CSNK2A2: variants seen among roughly 807,000 people sequenced by gnomAD.
CSNK2A2 encodes the protein casein kinase II subunit alpha'.
Under a neutral mutation model 54.0 loss-of-function variants are expected in CSNK2A2, and 8 were observed. That is an observed-to-expected ratio of 0.15 (90% CI 0.09 to 0.27). The LOEUF (loss-of-function observed/expected upper bound fraction) is 0.27, where lower values mean the gene tolerates loss of function less well. CSNK2A2 is among the 10% of genes least tolerant of loss of function. CSNK2A2 has a pLI of 1.00. For synonymous variants in CSNK2A2, 141 were observed against 153.9 expected, an observed-to-expected ratio of 0.92 and a Z score of 0.62; for missense variants, 242 against 439.4, an observed-to-expected ratio of 0.55 and a Z score of 4.02.
In CSNK2A2 at chr16:58,175,271, G is replaced by C. The variant is rs543755011; in HGVS notation, c.370-761C>G. 2.6e-5 allele frequency among the ~76,000 whole-genome samples: 4 copies of C among 152,262 alleles called. No individual in the cohort carries two copies. The East Asian group carries it at 5.8e-4, about 22-fold the overall frequency. On this transcript the variant is annotated intron_variant, in intron 4 of 11. Coordinates refer to ENST00000262506, the MANE Select transcript of CSNK2A2 (RefSeq NM_001896.4). ...GAGTCAGAATACATTAATGCTACAA[G>C]CTTCATTAAAGGCATCATAAACCCT...
intron 11 of CSNK2A2, chr16:58,162,384 T>C (rs1247994027): frequency 6.6e-6 from 1 of 152,218 alleles, no homozygotes; most frequent in East Asian, 1.9e-4. Flanking sequence ...CTTAACTGAA[T>C]GCATTCCTTG....
intron 5 of CSNK2A2, among the ~76,000 whole-genome samples, chr16:58,171,971 ATATATATATTT>A (rs1487508533): frequency 9.7e-5 from 3 of 30,964 alleles, no homozygotes; most frequent in African/African-American, 3.5e-4. Flanking sequence ...ATATATATAT[ATATATATATTT>A]TTTTTTTTTT....
chr16:58,168,615 T>C lies in CSNK2A2; in HGVS notation c.508A>G (p.Lys170Glu). 6.2e-7 allele frequency: 1 copy of C among 1,613,700 alleles called. No individual in the cohort carries two copies. The highest frequency in any genetic ancestry group is 8.5e-7 in the Non-Finnish European group (1 of 1,179,650). Residue 170 changes from lysine (K) to glutamate (E), a missense_variant, in exon 6 of 12, where the codon AAA becomes GAA. Physicochemically the swap from Lys to Glu is moderately conservative, Grantham distance 56 (BLOSUM62 1). This residue lies in a region of CSNK2A2 where 40 missense variants were observed against 128.7 expected (regional missense o/e 0.31). Transcript: ENST00000262506. ...PHNVMIDHQQ[K>E]KLRLIDWGLA... ...CTGCCTGGCTGTAATGGTACCTTTT[T>C]CTGTTGGTGATCTATCATGACATTG...
intron 8 of CSNK2A2, among the ~76,000 whole-genome samples, 186 bp downstream of exon 8, chr16:58,167,021 C>A (rs1382373515): frequency 2.0e-5 from 3 of 152,232 alleles, no homozygotes; most frequent in African/African-American, 7.2e-5. Context: ...GCATAGATGG[C>A]ATTATCTGCC....
At position 58,197,556 on chromosome 16, in the gene CSNK2A2, C is replaced by A. The variant is rs1962498019; in HGVS notation, c.104+77G>T. On this transcript the variant is annotated intron_variant, in intron 1 of 11. Transcript: ENST00000262506. This position sits in a 1 kb window ranked among gnomAD's most constrained non-coding sequence, Gnocchi z 4.0. ...GGGGTCGGCGGGAGACACCACCGGG[C>A]CCGAGTGCGGTTCGCAGGGGGTGGC... The A allele has an allele frequency of 6.1e-6, 6 of 984,998 alleles. No homozygotes were observed. Among genetic ancestry groups the A allele is most frequent in the Non-Finnish European group, 8.8e-6 (6 of 682,906 alleles). 61.0% of individuals were successfully genotyped at this position (984,998 alleles called of 1,614,324 possible). A position where few individuals can be genotyped will look rare whatever the true frequency, so the allele number is the denominator to read the frequency against.
chr16:58,180,370 AG>A (rs1962004240), intron 4 of CSNK2A2, among the ~76,000 whole-genome samples: 1 of 135,440 alleles, frequency 7.4e-6, no homozygotes, highest in Non-Finnish European at 1.6e-5. Flanking sequence ...GATACTCCAG[AG>A]TTTTTTTTTT....
At chr16:58,172,678 C>T (rs761980870) in intron 5 of CSNK2A2, among the ~76,000 whole-genome samples, 1 of 152,216 alleles carries the variant, frequency 6.6e-6, no homozygotes, top group African/African-American at 2.4e-5. Flanking sequence ...GTTTCCTAGT[C>T]GGACTCCCTA....
At chr16:58,160,185 T>C (rs978666027) in intron 11 of CSNK2A2, 1 of 152,196 alleles carries the variant, frequency 6.6e-6, no homozygotes, top group African/African-American at 2.4e-5. Context: ...AGGCAGGATG[T>C]TACTCAGTCT....
chr16:58,182,023 C>T (rs193262183), intron 4 of CSNK2A2, among the ~76,000 whole-genome samples: 1 of 152,190 alleles, frequency 6.6e-6, no homozygotes, highest in African/African-American at 2.4e-5. Flanking sequence ...CTAGCAAATA[C>T]ATTAATTGGC....
intron 2 of CSNK2A2, among the ~76,000 whole-genome samples, chr16:58,188,992 C>G (rs1213135338): frequency 6.8e-6 from 1 of 147,158 alleles, no homozygotes; most frequent in South Asian, 2.1e-4. Flanking sequence ...AGTCTCACTC[C>G]GTGGCCCAGG....
chr16:58,174,573 G>T, intron 4 of CSNK2A2, 63 bp from the exon 5 acceptor site: 1 of 1,341,732 alleles, frequency 7.5e-7, no homozygotes, highest in Non-Finnish European at 1.1e-6. Context: ...CATCCTAAGT[G>T]CAGGCCATTC....
At chr16:58,167,941 C>A in intron 6 of CSNK2A2, 146 bp from the exon 7 acceptor site, 1 of 649,226 alleles carries the variant, frequency 1.5e-6, no homozygotes, top group Non-Finnish European at 2.7e-6. Flanking sequence ...ACATTTTCAG[C>A]AATCGTGCAA....
At chr16:58,175,919 A>G (rs1034096185) in intron 4 of CSNK2A2, among the ~76,000 whole-genome samples, 1 of 152,214 alleles carries the variant, frequency 6.6e-6, no homozygotes, top group Non-Finnish European at 1.5e-5. Flanking sequence ...TTCAGGCAGA[A>G]CAACACCAAC....
At chr16:58,185,883 G>C (rs1962180657) in intron 3 of CSNK2A2, among the ~76,000 whole-genome samples, 1 of 152,264 alleles carries the variant, frequency 6.6e-6, no homozygotes, top group African/African-American at 2.4e-5. Context: ...CTGTTGTGAA[G>C]ACTGAGTGAC....
chr16:58,194,814 G>C (rs1162011759), intron 2 of CSNK2A2, among the ~76,000 whole-genome samples: 2 of 152,112 alleles, frequency 1.3e-5, no homozygotes, highest in Non-Finnish European at 2.9e-5. Context: ...AATCTTTAAA[G>C]TAGGGGGAAA....
intron 2 of CSNK2A2, among the ~76,000 whole-genome samples, chr16:58,195,054 A>T (rs2142455096): frequency 6.6e-6 from 1 of 152,266 alleles, no homozygotes; most frequent in African/African-American, 2.4e-5. Flanking sequence ...CAGCAGTGGA[A>T]TATGGATATT....
At position 58,171,973 on chromosome 16, in the gene CSNK2A2, ATATATATTTTTTTTTTTTT is replaced by A. The variant is rs1290186113; in HGVS notation, c.429+2459_429+2477del. On this transcript the variant is annotated intron_variant, in intron 5 of 11. Coordinates refer to ENST00000262506, the MANE Select transcript of CSNK2A2 (RefSeq NM_001896.4). Reference sequence around the variant, plus strand: ...CTGGAGCATGCATATATATATATATATATATATTTTTTTTTTTTTTTTTTTTTTGGTAGCTATGGGGCTT... The same window carrying A: ...CTGGAGCATGCATATATATATATATATTTTTTTTTGGTAGCTATGGGGCTT... 3.7e-4 allele frequency among the ~76,000 whole-genome samples: 14 copies of A among 37,816 alleles called. No individual in the cohort carries two copies. In the East Asian group the frequency reaches 6.0e-3, roughly 16 times the overall value. 24.8% of individuals were successfully genotyped at this position (37,816 alleles called of 152,430 possible).
At chr16:58,195,572 GTCT>G (rs1458170970) in intron 2 of CSNK2A2, among the ~76,000 whole-genome samples, 1 of 152,130 alleles carries the variant, frequency 6.6e-6, no homozygotes, top group Non-Finnish European at 1.5e-5. Context: ...TCACTCTTCG[GTCT>G]TCTCAATCTC....
chr16:58,194,314 A>C (rs1376897053), intron 2 of CSNK2A2, among the ~76,000 whole-genome samples: 1 of 152,248 alleles, frequency 6.6e-6, no homozygotes, highest in East Asian at 1.9e-4. Flanking sequence ...TTGAATAAAG[A>C]AACACAACTT....
Sources: allele counts gnomAD v4.1 joint callset (sites outside exome capture counted in the v4.1 genomes callset), GRCh38; gene constraint gnomAD v4.1.1; regional missense constraint gnomAD v4.1.1; non-coding constraint Gnocchi (gnomAD v3.1); transcripts MANE v1.5; gene names NCBI Gene and HGNC (gene_info 2026-07-23, HGNC 2026-07-21).